The following SGCD variants were observed in gnomAD, a reference collection of about 807,000 sequenced individuals.
The protein encoded by SGCD is sarcoglycan delta, also known as delta-sarcoglycan.
SGCD carries 18 observed loss-of-function variants against 36.6 expected under a neutral mutation model. The ratio of observed to expected loss-of-function variants is 0.49; its 90% CI spans 0.34 to 0.73. SGCD has a LOEUF of 0.73. Among genes scored for constraint, SGCD ranks in the 30% least tolerant of loss-of-function variants. The pLI, the probability that SGCD is intolerant of heterozygous loss-of-function variation, is 0.01. For missense variants in SGCD, 387 were observed against 346.7 expected (o/e 1.12, Z -0.92); for synonymous variants, 133 against 130.6 (o/e 1.02, Z -0.12).
intron 3 of SGCD, among the ~76,000 whole-genome samples, chr5:156,126,901 A>G (rs1193897223): frequency 6.6e-6 from 1 of 152,224 alleles, no homozygotes; most frequent in African/African-American, 2.4e-5. Context: ...CAGGCTTACT[A>G]TTTGACTTTA....
chr5:155,816,371 CAAAAG>C, the SGCD span, among the ~76,000 whole-genome samples: 5 of 151,798 alleles, frequency 3.3e-5, no homozygotes, highest in East Asian at 1.9e-4. Flanking sequence ...GCAAGCTAGA[CAAAAG>C]AAAACATTAT....
chr5:156,502,540 G>A (rs1379189888), intron 3 of SGCD, among the ~76,000 whole-genome samples: 1 of 152,020 alleles, frequency 6.6e-6, no homozygotes, highest in Non-Finnish European at 1.5e-5. Context: ...TTGCTATGCT[G>A]CCCAGTTTGC....
At chr5:156,496,812 G>A (rs1188259979) in intron 3 of SGCD, among the ~76,000 whole-genome samples, 1 of 152,096 alleles carries the variant, frequency 6.6e-6, no homozygotes, top group East Asian at 1.9e-4. Context: ...TGCTTAAAAT[G>A]GTGACTGCTT....
At chr5:155,919,898 C>T (rs1389297149) in intron 1 of SGCD, among the ~76,000 whole-genome samples, 1 of 152,130 alleles carries the variant, frequency 6.6e-6, no homozygotes, top group Admixed American at 6.6e-5. Flanking sequence ...AGGAAATTTC[C>T]ACTTTGCATG....
At chr5:156,304,741 A>G (rs1468661637) in intron 3 of SGCD, among the ~76,000 whole-genome samples, 7 of 152,208 alleles carry the variant, frequency 4.6e-5, no homozygotes, top group Admixed American at 4.6e-4. Context: ...TGAAACCTCT[A>G]TAGACTTGTT....
chr5:156,109,280 T>G (rs1761725284), intron 1 of SGCD, among the ~76,000 whole-genome samples: 1 of 152,184 alleles, frequency 6.6e-6, no homozygotes, highest in Admixed American at 6.6e-5. Flanking sequence ...CTCATCTTGT[T>G]GACTTCATCT....
intron 3 of SGCD, among the ~76,000 whole-genome samples, chr5:156,147,947 T>G (rs897965476): frequency 6.6e-6 from 1 of 152,158 alleles, no homozygotes; most frequent in Non-Finnish European, 1.5e-5. Context: ...AGGAAGAAAT[T>G]AAGGAGAAAG....
intron 8 of SGCD, among the ~76,000 whole-genome samples, chr5:156,758,288 C>T (rs1221728193): frequency 6.6e-6 from 1 of 152,120 alleles, no homozygotes. Flanking sequence ...CCAATTACTA[C>T]CCACACCCAA....
chr5:156,077,342 T>C (rs1581083863), intron 1 of SGCD, among the ~76,000 whole-genome samples: 1 of 152,160 alleles, frequency 6.6e-6, no homozygotes, highest in East Asian at 1.9e-4. Context: ...TCTCAGTTAC[T>C]TACCTCTATA....
intron 6 of SGCD, among the ~76,000 whole-genome samples, chr5:156,625,545 A>G (rs531155559): frequency 1.3e-3 from 192 of 152,338 alleles, no homozygotes; most frequent in African/African-American, 4.3e-3. Context: ...TATTCTCATC[A>G]GAGGAAATGC....
At chr5:156,200,722 G>A (rs1004401619) in intron 3 of SGCD, among the ~76,000 whole-genome samples, 6 of 152,138 alleles carry the variant, frequency 3.9e-5, no homozygotes, top group Admixed American at 3.9e-4. Context: ...TTATGATTCA[G>A]CAATCCCACT....
rs556449748 is a variant in SGCD, at chr5:156,503,985, C to T, written c.193-4616C>T. On this transcript the variant is annotated intron_variant, in intron 3 of 8. Coordinates refer to ENST00000337851, the MANE Select transcript of SGCD (RefSeq NM_000337.6). ...TTGGGAGGCTGAGGCAGGTGGATCA[C>T]CTGAGGTCATGAGTTTGAGACCAGC... 2.9e-4 allele frequency among the ~76,000 whole-genome samples: 44 copies of T among 151,972 alleles called. No homozygotes were observed. In the South Asian group the frequency reaches 8.3e-3, roughly 29 times the overall value.
chr5:156,301,931 A>G (rs551648345), intron 3 of SGCD, among the ~76,000 whole-genome samples: 1 of 151,588 alleles, frequency 6.6e-6, no homozygotes, highest in South Asian at 2.1e-4. Flanking sequence ...CTGTTTTTGG[A>G]ATCGTTTCTT....
intron 6 of SGCD, among the ~76,000 whole-genome samples, chr5:156,629,248 C>A (rs1762541441): frequency 1.3e-5 from 2 of 152,124 alleles, no homozygotes; most frequent in Admixed American, 1.3e-4. Context: ...TAAAAAAATT[C>A]TTACTGCCCG....
At chr5:155,889,161 C>G (rs1756070025) in intron 1 of SGCD, among the ~76,000 whole-genome samples, 2 of 152,048 alleles carry the variant, frequency 1.3e-5, no homozygotes, top group African/African-American at 4.8e-5. Flanking sequence ...TGTTCCTAGC[C>G]AAGTGCCTCT....
intron 3 of SGCD, among the ~76,000 whole-genome samples, chr5:156,320,095 ATATGTG>A (rs975214016): frequency 9.8e-6 from 1 of 102,418 alleles, no homozygotes; most frequent in African/African-American, 4.3e-5. Context: ...ACAGCCTTTG[ATATGTG>A]TGTGTGTGTG....
chr5:155,809,127 A>ACTGTCC, the SGCD span, among the ~76,000 whole-genome samples: 2 of 152,204 alleles, frequency 1.3e-5, no homozygotes, highest in Non-Finnish European at 1.5e-5. Flanking sequence ...TCCCTTCTGA[A>ACTGTCC]CTGTTCCTGA....
chr5:156,696,068 A>G (rs1323249859), intron 7 of SGCD, among the ~76,000 whole-genome samples: 1 of 152,188 alleles, frequency 6.6e-6, no homozygotes, highest in East Asian at 1.9e-4. Flanking sequence ...TACTTGGGAA[A>G]TTCTAGGATG....
chr5:156,070,905 T>C lies in SGCD; in HGVS notation c.-281-46973T>C, dbSNP rs565431728. On this transcript the variant is annotated intron_variant, in intron 1 of 9. Transcript: ENST00000517913. ...ATTTATCCATTTCTTCTAGATTTTC[T>C]AGTTTATTTGCATAGAGGTGTTTGT... 2.0e-5 allele frequency among the ~76,000 whole-genome samples: 3 copies of C among 152,334 alleles called. No individual in the cohort carries two copies. The South Asian group carries it at 6.2e-4, about 32-fold the overall frequency.
Sources: gnomAD v4.1 joint callset for allele counts (sites outside exome capture counted in the v4.1 genomes callset) on GRCh38, gnomAD v4.1.1 for gene constraint, MANE v1.5 for transcripts, NCBI Gene and HGNC (gene_info 2026-07-23, HGNC 2026-07-21) for gene names.